CNOT6L: variants seen among roughly 807,000 people sequenced by gnomAD.
CNOT6L encodes the protein CCR4-NOT transcription complex subunit 6-like.
Under a neutral mutation model 64.0 loss-of-function variants are expected in CNOT6L, and 7 were observed. That is an observed-to-expected ratio of 0.11 (90% CI 0.06 to 0.21). The LOEUF (loss-of-function observed/expected upper bound fraction) is 0.21. Ranked by LOEUF, CNOT6L falls within the 10% of genes least tolerant of loss-of-function variation. The probability of loss-of-function intolerance (pLI) is 1.00; values close to 1 mark genes in which losing one functional copy is unlikely to be tolerated. For missense variants in CNOT6L, 245 were observed against 669.0 expected, an observed-to-expected ratio of 0.37 and a Z score of 6.99; for synonymous variants, 193 against 243.4, an observed-to-expected ratio of 0.79 and a Z score of 1.93.
chr4:77,801,703 G>GGGGA (rs1731599463), intron 1 of CNOT6L, among the ~76,000 whole-genome samples: 4 of 115,740 alleles, frequency 3.5e-5, no homozygotes, highest in South Asian at 3.1e-4. Context: ...GGGGGGGGGA[G>GGGGA]AATGAAACAT....
At chr4:77,775,609 C>T (rs1196343259) in intron 2 of CNOT6L, among the ~76,000 whole-genome samples, 1 of 152,128 alleles carries the variant, frequency 6.6e-6, no homozygotes, top group East Asian at 1.9e-4. Context: ...ACTTGGATTT[C>T]ACCAGTTTTT....
At chr4:77,736,479 C>A (rs1577929786) in intron 8 of CNOT6L, among the ~76,000 whole-genome samples, 1 of 152,146 alleles carries the variant, frequency 6.6e-6, no homozygotes, top group Non-Finnish European at 1.5e-5. Context: ...ACTACCTTAA[C>A]AATGCTACTT....
At chr4:77,751,367 A>G (rs1320054762) in intron 5 of CNOT6L, among the ~76,000 whole-genome samples, 1 of 152,164 alleles carries the variant, frequency 6.6e-6, no homozygotes, top group Non-Finnish European at 1.5e-5. Context: ...AGACTGAAAC[A>G]AATGAACAGA....
At chr4:77,819,919 CCCCGCG>C (rs1734100779), upstream of CNOT6L, among the ~76,000 whole-genome samples, 1 of 150,868 alleles carries the variant, frequency 6.6e-6, no homozygotes. Flanking sequence ...GCAAGAGAGG[CCCCGCG>C]GCCGCGGCCG....
intron 1 of CNOT6L, among the ~76,000 whole-genome samples, chr4:77,796,499 A>G (rs933126493): frequency 3.9e-5 from 6 of 152,062 alleles, no homozygotes; most frequent in African/African-American, 9.7e-5. Context: ...ATGCTAAGAC[A>G]TGCTTGCTTC....
chr4:77,813,047 CTTACAG>C (rs1398864750), intron 1 of CNOT6L, among the ~76,000 whole-genome samples: 1 of 152,098 alleles, frequency 6.6e-6, no homozygotes, highest in Non-Finnish European at 1.5e-5. Flanking sequence ...ATCCTCCACA[CTTACAG>C]TTAATTAATT....
At position 77,813,957 on chromosome 4, in the gene CNOT6L, C is replaced by T. The variant is rs554219270; in HGVS notation, c.5+5347G>A. ...AGAACTTGTACATGAATGTTCACAG[C>T]GGCATGATTTATAATGATAGCCAAA... On this transcript the variant is annotated intron_variant, in intron 1 of 11. Transcript: ENST00000504123. Among the ~76,000 whole-genome samples, 3 of 152,190 alleles carry T rather than the reference C, an allele frequency of 2.0e-5. No homozygotes were observed. The South Asian group carries it at 6.2e-4, about 32-fold the overall frequency.
intron 1 of CNOT6L, among the ~76,000 whole-genome samples, chr4:77,797,936 G>C (rs990710377): frequency 6.6e-6 from 1 of 152,076 alleles, no homozygotes; most frequent in Non-Finnish European, 1.5e-5. Flanking sequence ...TATGAGTTTC[G>C]CAAGGATATC....
intron 1 of CNOT6L, among the ~76,000 whole-genome samples, 198 bp from the exon 2 acceptor site, chr4:77,776,590 G>T (rs1043448655): frequency 6.6e-6 from 1 of 152,184 alleles, no homozygotes; most frequent in Non-Finnish European, 1.5e-5. Flanking sequence ...CTCATTATCA[G>T]ATGCCTAAGG....
rs753626544 is a variant in CNOT6L at position 77,819,072 on chromosome 4, A to ACACACACACACACACACACACC, written c.5+231_5+232insGGTGTGTGTGTGTGTGTGTGTG. 28 of 729,810 alleles carry ACACACACACACACACACACACC rather than the reference A, an allele frequency of 3.8e-5. No homozygotes were observed. In the East Asian group the frequency reaches 7.6e-4, roughly 20 times the overall value. 45.2% of individuals were successfully genotyped at this position (729,810 alleles called of 1,614,324 possible). On this transcript the variant is annotated intron_variant, in intron 1 of 11. Coordinates refer to ENST00000504123, the MANE Select transcript of CNOT6L (RefSeq NM_144571.3). The stretch of plus-strand genomic sequence containing the variant: ...CCGACACACACACACACACACACAC[A>ACACACACACACACACACACACC]CACCCCGGAACCTTCGCCCGCCTCT...
rs1724009535 is a variant in CNOT6L, at chr4:77,744,744, A to C, written c.691T>G (p.Cys231Gly). ...TGAAGACTAATGATATCTGCGTCACAGTTAACAATTTCTTCCATAATTCCC... is the reference window on the plus strand; with the variant it reads ...TGAAGACTAATGATATCTGCGTCACCGTTAACAATTTCTTCCATAATTCCC... ...KKGIMEEIVNCDADIISLQEV... is the reference protein window; with the variant it reads ...KKGIMEEIVNGDADIISLQEV... The change falls in exon 7 of 12, where the codon TGT becomes GGT. Residue 231 changes from cysteine (C) to glycine (G), a missense_variant. Physicochemically the swap from Cys to Gly is radical, Grantham distance 159. Coordinates refer to ENST00000504123, the MANE Select transcript of CNOT6L (RefSeq NM_144571.3). The C allele has an allele frequency of 3.7e-6, 6 of 1,612,970 alleles. No homozygotes were observed. The highest frequency in any genetic ancestry group is 3.3e-4 in the Middle Eastern group (2 of 6,078).
chr4:77,765,218 G>T (rs4859876), intron 4 of CNOT6L, among the ~76,000 whole-genome samples: 130,889 of 152,022 alleles, frequency 0.86, 56,559 homozygotes, highest in Non-Finnish European at 0.9. Context: ...CTATATGGTC[G>T]AAAAAGGGGA....
intron 1 of CNOT6L, 104 bp downstream of exon 1, chr4:77,819,200 G>A (rs556827038): frequency 1.9e-6 from 3 of 1,607,086 alleles, no homozygotes; most frequent in Admixed American, 1.7e-5. Flanking sequence ...GTCCCAACTC[G>A]CACACCCACA....
intron 1 of CNOT6L, among the ~76,000 whole-genome samples, chr4:77,810,001 C>T (rs1732727369): frequency 6.6e-6 from 1 of 151,744 alleles, no homozygotes; most frequent in South Asian, 2.1e-4. Flanking sequence ...TATTAGACTA[C>T]TTATTTCTTT....
At chr4:77,795,519 A>G (rs1226753742) in intron 1 of CNOT6L, among the ~76,000 whole-genome samples, 1 of 152,044 alleles carries the variant, frequency 6.6e-6, no homozygotes, top group Non-Finnish European at 1.5e-5. Flanking sequence ...TGCTGTTCTC[A>G]TGACAGAGTT....
At chr4:77,777,109 T>C (rs1335781887) in intron 1 of CNOT6L, among the ~76,000 whole-genome samples, 1 of 152,236 alleles carries the variant, frequency 6.6e-6, no homozygotes, top group African/African-American at 2.4e-5. Flanking sequence ...CTACTTTGAA[T>C]TGTGTTTTCT....
chr4:77,727,935 G>C (rs576949444), intron 10 of CNOT6L, among the ~76,000 whole-genome samples: 1 of 152,174 alleles, frequency 6.6e-6, no homozygotes, highest in East Asian at 1.9e-4. Context: ...AGGCATTTAG[G>C]TTATCTTATA....
At position 77,787,604 on chromosome 4, in the gene CNOT6L, A is replaced by G. The variant is rs554883553; in HGVS notation, c.6-11212T>C. Reference sequence around the variant, plus strand: ...TGAAGAGATTCATTCAGTTAGCACAAGACTCAAATCTAAAATGTGTACTCA... The same window carrying G: ...TGAAGAGATTCATTCAGTTAGCACAGGACTCAAATCTAAAATGTGTACTCA... On this transcript the variant is annotated intron_variant, in intron 1 of 11. Coordinates refer to ENST00000504123, the MANE Select transcript of CNOT6L (RefSeq NM_144571.3). Among the ~76,000 whole-genome samples, 39 of 152,312 alleles carry G rather than the reference A, an allele frequency of 2.6e-4. 1 individual carries two copies. The highest frequency in any genetic ancestry group is 6.8e-3 in the Middle Eastern group (2 of 294).
At chr4:77,805,801 G>C (rs1331937195) in intron 1 of CNOT6L, among the ~76,000 whole-genome samples, 1 of 152,116 alleles carries the variant, frequency 6.6e-6, no homozygotes, top group Admixed American at 6.5e-5. Flanking sequence ...AAGGTCCACA[G>C]CACCAAAGAT....
Sources: allele counts gnomAD v4.1 joint callset (sites outside exome capture counted in the v4.1 genomes callset), GRCh38; gene constraint gnomAD v4.1.1; transcripts MANE v1.5; gene names NCBI Gene and HGNC (gene_info 2026-07-23, HGNC 2026-07-21).